The following PRKCQ variants were observed in gnomAD, a reference collection of about 807,000 sequenced individuals.
PRKCQ encodes protein kinase C theta type.
A neutral mutation model predicts 91.2 loss-of-function variants in PRKCQ; 41 were observed. The observed-to-expected ratio is 0.45, with a 90% confidence interval of 0.35 to 0.58. The LOEUF (loss-of-function observed/expected upper bound fraction) is 0.58. Ranked by LOEUF, PRKCQ falls within the 20% of genes least tolerant of loss-of-function variation. The pLI, the probability that PRKCQ is intolerant of heterozygous loss-of-function variation, is 0.00. For missense variants in PRKCQ, 673 were observed against 896.5 expected (o/e 0.75, Z 3.18); for synonymous variants, 307 against 316.9 (o/e 0.97, Z 0.33).
chr10:6,524,815 G>C (rs895305606), intron 1 of PRKCQ, among the ~76,000 whole-genome samples: 4 of 152,204 alleles, frequency 2.6e-5, no homozygotes, highest in Admixed American at 6.5e-5. Context: ...CTGGATCCTC[G>C]GGCCCCAGCT....
At chr10:6,548,112 G>C (rs991187642) in intron 1 of PRKCQ, among the ~76,000 whole-genome samples, 1 of 152,168 alleles carries the variant, frequency 6.6e-6, no homozygotes, top group African/African-American at 2.4e-5. Flanking sequence ...CATTTATGCA[G>C]CCAAAAGACA....
At chr10:6,455,248 A>C (rs1009441182) in intron 15 of PRKCQ, among the ~76,000 whole-genome samples, 8 of 152,220 alleles carry the variant, frequency 5.3e-5, no homozygotes, top group Non-Finnish European at 1.2e-4. Flanking sequence ...TTTCACTTCA[A>C]ATGAAAATGG....
intron 1 of PRKCQ, among the ~76,000 whole-genome samples, chr10:6,534,778 A>ATCTATC (rs1356049558): frequency 0.028 from 1,970 of 70,530 alleles, 50 homozygotes; most frequent in African/African-American, 0.053. Flanking sequence ...ATATATCTAT[A>ATCTATC]TATATATATA....
chr10:6,537,412 G>A (rs1170426455), intron 1 of PRKCQ, among the ~76,000 whole-genome samples: 1 of 152,156 alleles, frequency 6.6e-6, no homozygotes, highest in Non-Finnish European at 1.5e-5. Flanking sequence ...TTACTTTACA[G>A]ATGTGGAAAT....
intron 16 of PRKCQ, among the ~76,000 whole-genome samples, chr10:6,441,189 G>T (rs1480107922): frequency 6.6e-6 from 1 of 151,996 alleles, no homozygotes; most frequent in East Asian, 1.9e-4. Flanking sequence ...AAAAAACTAT[G>T]GGAAACAAAA....
At chr10:6,520,122 C>G (rs939477958) in intron 1 of PRKCQ, among the ~76,000 whole-genome samples, 7 of 152,200 alleles carry the variant, frequency 4.6e-5, no homozygotes, top group African/African-American at 1.7e-4. Flanking sequence ...CCCCATAGAC[C>G]CCTTGTCTGA....
chr10:6,536,489 T>G (rs1042728356), intron 1 of PRKCQ, among the ~76,000 whole-genome samples: 1 of 151,662 alleles, frequency 6.6e-6, no homozygotes, highest in African/African-American at 2.4e-5. Flanking sequence ...AAGACTTTAG[T>G]AAGAAGCAGA....
chr10:6,404,358 T>G, the PRKCQ span, among the ~76,000 whole-genome samples: 2 of 150,510 alleles, frequency 1.3e-5, no homozygotes, highest in Non-Finnish European at 3.0e-5. Flanking sequence ...TGCCAGACTC[T>G]GACAATGGAT....
chr10:6,503,608 G>T (rs1272991604), intron 4 of PRKCQ, among the ~76,000 whole-genome samples: 1 of 152,062 alleles, frequency 6.6e-6, no homozygotes, highest in African/African-American at 2.4e-5. Context: ...GGGAGACATG[G>T]TATTATCTCA....
intron 4 of PRKCQ, 130 bp from the exon 5 acceptor site, chr10:6,498,688 TC>T: frequency 1.3e-6 from 1 of 795,552 alleles, no homozygotes; most frequent in South Asian, 1.8e-5. Context: ...GCTGTAACAT[TC>T]CAGGTACTCA....
intron 8 of PRKCQ, among the ~76,000 whole-genome samples, chr10:6,490,575 A>AAC (rs1837235914): frequency 6.9e-6 from 1 of 144,574 alleles, no homozygotes; most frequent in Non-Finnish European, 1.5e-5. Context: ...AAAAAAAAAA[A>AAC]CAAAGAAAAA....
At chr10:6,407,933 G>A in the PRKCQ span, among the ~76,000 whole-genome samples, 9 of 150,278 alleles carry the variant, frequency 6.0e-5, no homozygotes, top group Non-Finnish European at 1.2e-4. The surrounding 1 kb of genome is among the most constrained non-coding windows in gnomAD (Gnocchi z 4.0). Context: ...CTCTAAAAAT[G>A]TTCTTTTTAA....
At chr10:6,394,993 A>G in the PRKCQ span, among the ~76,000 whole-genome samples, 1 of 150,680 alleles carries the variant, frequency 6.6e-6, no homozygotes, top group Non-Finnish European at 1.5e-5. Context: ...ATTTATCAAG[A>G]CGGGGGAATT....
intron 15 of PRKCQ, among the ~76,000 whole-genome samples, chr10:6,443,754 A>G (rs891929647): frequency 3.3e-5 from 5 of 152,210 alleles, no homozygotes; most frequent in Non-Finnish European, 5.9e-5. Flanking sequence ...GTCACATGCT[A>G]CGTGAGTGAA....
At chr10:6,408,789 G>T in the PRKCQ span, among the ~76,000 whole-genome samples, 2 of 152,202 alleles carry the variant, frequency 1.3e-5, no homozygotes, top group Non-Finnish European at 2.9e-5. Flanking sequence ...CCACTCAAAC[G>T]TTTATGGGAT....
intron 8 of PRKCQ, among the ~76,000 whole-genome samples, chr10:6,489,857 T>A (rs1156914773): frequency 6.6e-6 from 1 of 151,926 alleles, no homozygotes; most frequent in Non-Finnish European, 1.5e-5. Context: ...AGCCATGAAA[T>A]AACGCCCAGG....
intron 1 of PRKCQ, among the ~76,000 whole-genome samples, chr10:6,578,501 T>C (rs1269492780): frequency 6.6e-6 from 1 of 152,194 alleles, no homozygotes; most frequent in Non-Finnish European, 1.5e-5. Context: ...CAGAAGTTCA[T>C]GAGAGGCAAG....
At chr10:6,482,944 A>G (rs904785590) in intron 11 of PRKCQ, among the ~76,000 whole-genome samples, 1 of 152,106 alleles carries the variant, frequency 6.6e-6, no homozygotes, top group Non-Finnish European at 1.5e-5. Flanking sequence ...ACACCTGGGG[A>G]TTATTACAAT....
At chr10:6,498,303 C>T in intron 5 of PRKCQ, 93 bp downstream of exon 5, 1 of 1,464,374 alleles carries the variant, frequency 6.8e-7, no homozygotes, top group Non-Finnish European at 9.4e-7. Flanking sequence ...CTCCAGCACA[C>T]CCCCCACAGT....
Sources: allele counts gnomAD v4.1 joint callset (sites outside exome capture counted in the v4.1 genomes callset), GRCh38; gene constraint gnomAD v4.1.1; non-coding constraint Gnocchi (gnomAD v3.1); transcripts MANE v1.5; gene names NCBI Gene and HGNC (gene_info 2026-07-23, HGNC 2026-07-21).